Variants in LRP1B observed in about 807,000 individuals in gnomAD.
LRP1B encodes the protein LDL receptor related protein 1B.
Under a neutral mutation model 556.6 loss-of-function variants are expected in LRP1B, and 217 were observed. The observed-to-expected ratio is 0.39, with a 90% CI of 0.35 to 0.44. The LOEUF (loss-of-function observed/expected upper bound fraction) is 0.44, where lower values mean the gene tolerates loss of function less well. Among genes scored for constraint, LRP1B ranks in the 20% least tolerant of loss-of-function variants. The probability of loss-of-function intolerance (pLI) is 1.00; values close to 1 mark genes in which losing one functional copy is unlikely to be tolerated. For missense variants in LRP1B, 5,053 were observed against 5,620.8 expected (o/e 0.90, Z 3.23); for synonymous variants, 2,047 against 1,865.8 (o/e 1.10, Z -2.50).
intron 85 of LRP1B, among the ~76,000 whole-genome samples, chr2:140,272,393 T>C (rs754148238): frequency 3.3e-5 from 5 of 151,922 alleles, no homozygotes; most frequent in African/African-American, 4.8e-5. Flanking sequence ...TAATTTAGGT[T>C]ATTCAAGATT....
chr2:140,986,551 G>C (rs148075566), intron 17 of LRP1B, among the ~76,000 whole-genome samples: 1 of 152,202 alleles, frequency 6.6e-6, no homozygotes, highest in East Asian at 1.9e-4. Context: ...TTGAATGGCT[G>C]GAACTGTCAC....
intron 1 of LRP1B, among the ~76,000 whole-genome samples, chr2:141,973,528 T>C (rs1351961575): frequency 7.2e-5 from 11 of 151,864 alleles, no homozygotes; most frequent in Admixed American, 2.0e-4. Context: ...TCACATTTAA[T>C]CTGTGGCTGT....
intron 1 of LRP1B, among the ~76,000 whole-genome samples, chr2:141,818,738 G>A (rs1206104678): frequency 5.3e-5 from 8 of 150,332 alleles, no homozygotes; most frequent in East Asian, 4.1e-4. Flanking sequence ...GGGTTTCACC[G>A]TGTTAGCCAG....
chr2:141,984,039 C>T (rs546526131), intron 1 of LRP1B, among the ~76,000 whole-genome samples: 28 of 152,078 alleles, frequency 1.8e-4, no homozygotes, highest in Non-Finnish European at 2.9e-4. Flanking sequence ...CCACTCTGGG[C>T]GACAAGAGCA....
chr2:141,171,886 C>CA (rs1475908977), intron 7 of LRP1B, among the ~76,000 whole-genome samples: 1 of 152,068 alleles, frequency 6.6e-6, no homozygotes, highest in Non-Finnish European at 1.5e-5. Flanking sequence ...CTAAAGTAAA[C>CA]AGTCAGTAAC....
chr2:140,791,212 C>A (rs546112030), intron 32 of LRP1B, among the ~76,000 whole-genome samples: 1 of 152,124 alleles, frequency 6.6e-6, no homozygotes, highest in Admixed American at 6.5e-5. Context: ...CAAGATTGCA[C>A]CGCTGCACTC....
chr2:141,902,170 A>C (rs947219767), intron 1 of LRP1B, among the ~76,000 whole-genome samples: 3 of 151,462 alleles, frequency 2.0e-5, no homozygotes, highest in African/African-American at 7.3e-5. Flanking sequence ...GGGAATATAC[A>C]TATTAATAAT....
chr2:140,710,824 C>T (rs554482214), intron 37 of LRP1B, among the ~76,000 whole-genome samples: 126 of 152,164 alleles, frequency 8.3e-4, no homozygotes, highest in Admixed American at 2.2e-3. Flanking sequence ...AATTTAGAAA[C>T]TCCTGTGTAA....
intron 2 of LRP1B, among the ~76,000 whole-genome samples, chr2:141,553,741 T>C (rs374702246): frequency 2.4e-5 from 3 of 124,066 alleles, no homozygotes; most frequent in East Asian, 4.6e-4. Flanking sequence ...ATATATTATA[T>C]ATAAAATATA....
intron 20 of LRP1B, among the ~76,000 whole-genome samples, chr2:140,930,330 G>A (rs1055745825): frequency 1.4e-4 from 21 of 151,986 alleles, no homozygotes; most frequent in African/African-American, 4.8e-4. Flanking sequence ...TGATAAATAA[G>A]TAAATACAGA....
At chr2:140,859,253 A>G (rs1692714586) in intron 27 of LRP1B, among the ~76,000 whole-genome samples, 1 of 152,128 alleles carries the variant, frequency 6.6e-6, no homozygotes, top group African/African-American at 2.4e-5. Context: ...AAAACCTTTT[A>G]TTAATCATGT....
In LRP1B at chr2:141,587,888, C is replaced by T. The variant is rs536585374; in HGVS notation, c.206-107355G>A. 1.4e-4 allele frequency among the ~76,000 whole-genome samples: 22 copies of T among 152,166 alleles called. No homozygotes were observed. The East Asian group carries it at 1.5e-3, about 11-fold the overall frequency. On this transcript the variant is annotated intron_variant, in intron 2 of 90. Transcript: ENST00000389484. The stretch of plus-strand genomic sequence containing the variant: ...TATAAACTAGCCAACCAATAGTATT[C>T]GATAAGAAAATTTAAAACAAAATAC...
intron 41 of LRP1B, among the ~76,000 whole-genome samples, chr2:140,644,401 CTTTTTT>C (rs34828807): frequency 7.5e-6 from 1 of 132,840 alleles, no homozygotes; most frequent in East Asian, 2.2e-4. Flanking sequence ...TTTCTTTTTT[CTTTTTT>C]TTTTTTTTTT....
intron 2 of LRP1B, among the ~76,000 whole-genome samples, chr2:141,704,124 C>G (rs1346820141): frequency 6.6e-6 from 1 of 151,828 alleles, no homozygotes; most frequent in Non-Finnish European, 1.5e-5. Flanking sequence ...ATGAGGAACT[C>G]AAAGGATTGT....
chr2:140,316,961 A>G (rs564063766), intron 82 of LRP1B, among the ~76,000 whole-genome samples: 2 of 152,236 alleles, frequency 1.3e-5, no homozygotes, highest in Admixed American at 6.6e-5. Context: ...AGCAAGTAGC[A>G]TTCTTATTCA....
intron 2 of LRP1B, among the ~76,000 whole-genome samples, chr2:141,742,276 G>A (rs1240214368): frequency 6.9e-6 from 1 of 145,142 alleles, no homozygotes; most frequent in East Asian, 2.0e-4. Context: ...TTTTGAGAAG[G>A]AGTCTTGCTC....
intron 3 of LRP1B, among the ~76,000 whole-genome samples, chr2:141,403,252 A>T (rs764675952): frequency 1.1e-4 from 17 of 152,092 alleles, no homozygotes; most frequent in Non-Finnish European, 2.2e-4. Context: ...GTTTTAGCAG[A>T]CTCAGTGGCT....
intron 15 of LRP1B, among the ~76,000 whole-genome samples, chr2:141,004,466 C>A (rs1207099999): frequency 6.6e-6 from 1 of 152,008 alleles, no homozygotes; most frequent in Non-Finnish European, 1.5e-5. Flanking sequence ...GAACCATCAG[C>A]ACTTCCTGGG....
In LRP1B at chr2:140,783,571, T is replaced by A. The variant is rs1316734651; in HGVS notation, c.5360-7333A>T. Reference sequence around the variant, plus strand: ...ACAGAAGTGGATTGAAAGTAGATTATACCTGGTCATGAGTTAATAGATAAA... The same window carrying A: ...ACAGAAGTGGATTGAAAGTAGATTAAACCTGGTCATGAGTTAATAGATAAA... On this transcript the variant is annotated intron_variant, in intron 32 of 90. Coordinates refer to ENST00000389484, the MANE Select transcript of LRP1B (RefSeq NM_018557.3). Among the ~76,000 whole-genome samples the A allele has an allele frequency of 2.0e-5, 3 of 152,186 alleles. No individual in the cohort carries two copies. The East Asian group carries it at 5.8e-4, about 29-fold the overall frequency.
Sources: allele counts gnomAD v4.1 joint callset (sites outside exome capture counted in the v4.1 genomes callset), GRCh38; gene constraint gnomAD v4.1.1; transcripts MANE v1.5; gene names NCBI Gene and HGNC (gene_info 2026-07-23, HGNC 2026-07-21).